The following PRKN variants were observed in gnomAD, a reference collection of about 807,000 sequenced individuals.
PRKN encodes the protein parkin RBR E3 ubiquitin protein ligase.
In PRKN, 56 loss-of-function variants were observed where a neutral mutation model predicts 59.5. The observed-to-expected ratio is 0.94, with a 90% CI of 0.76 to 1.18. The LOEUF (loss-of-function observed/expected upper bound fraction) is 1.18. Ranked by LOEUF, PRKN falls within the 50% of genes most tolerant of loss-of-function variation. The pLI is 0.00. For missense variants in PRKN, 657 were observed against 596.4 expected (o/e 1.10, Z -1.06); for synonymous variants, 250 against 222.1 (o/e 1.13, Z -1.12).
At chr6:162,300,460 C>T (rs970841595) in intron 2 of PRKN, among the ~76,000 whole-genome samples, 8 of 152,026 alleles carry the variant, frequency 5.3e-5, no homozygotes, top group African/African-American at 1.9e-4. Flanking sequence ...TTTTAGGTCT[C>T]CTTAATGGAG....
chr6:161,712,261 T>C (rs1329617237), intron 7 of PRKN, among the ~76,000 whole-genome samples: 1 of 152,206 alleles, frequency 6.6e-6, no homozygotes, highest in Non-Finnish European at 1.5e-5. Context: ...TACTGACACT[T>C]AAAATGGCTT....
intron 7 of PRKN, among the ~76,000 whole-genome samples, chr6:161,726,909 C>A (rs922111066): frequency 6.6e-6 from 1 of 152,082 alleles, no homozygotes; most frequent in Non-Finnish European, 1.5e-5. Context: ...TTGGCTCTTC[C>A]AAAATAGTGA....
At chr6:162,557,151 C>T (rs1471390458) in intron 1 of PRKN, among the ~76,000 whole-genome samples, 1 of 152,186 alleles carries the variant, frequency 6.6e-6, no homozygotes, top group African/African-American at 2.4e-5. Context: ...GTGAACATCT[C>T]CAATAAGGCT....
chr6:161,641,796 G>A (rs1233615552), intron 7 of PRKN, among the ~76,000 whole-genome samples: 1 of 152,198 alleles, frequency 6.6e-6, no homozygotes, highest in Non-Finnish European at 1.5e-5. Flanking sequence ...GTGCCCTGTG[G>A]CGCTTAAAGC....
At chr6:162,154,897 G>C (rs573048564) in intron 4 of PRKN, among the ~76,000 whole-genome samples, 1 of 150,598 alleles carries the variant, frequency 6.6e-6, no homozygotes, top group South Asian at 2.1e-4. Context: ...CAGTATAAAA[G>C]GAAATAGCTT....
chr6:162,160,982 T>G (rs55820779), intron 4 of PRKN, among the ~76,000 whole-genome samples: 41,002 of 151,498 alleles, frequency 0.27, 6,203 homozygotes, highest in Middle Eastern at 0.36. Context: ...AAGAGGCACC[T>G]TATGCAGAAA....
rs1490532911 is a variant in PRKN at position 161,551,841 on chromosome 6, G to T, written c.934-2838C>A. ...AGGCAGGACTGAGACGAGAAGCGCA[G>T]ATGGACAGTTTAAGCCAGAGAAAGA... On this transcript the variant is annotated intron_variant, in intron 8 of 11. Transcript: ENST00000366898. The surrounding 1 kb of genome is among the most constrained non-coding windows in gnomAD (Gnocchi z 5.2). 6.6e-6 allele frequency among the ~76,000 whole-genome samples: 1 copy of T among 152,182 alleles called. No homozygotes were observed. The highest frequency in any genetic ancestry group is 2.1e-4 in the South Asian group (1 of 4,826).
intron 2 of PRKN, among the ~76,000 whole-genome samples, chr6:162,280,907 C>G (rs1421083515): frequency 1.3e-5 from 2 of 150,944 alleles, no homozygotes; most frequent in African/African-American, 2.4e-5. Context: ...TCAATGAATG[C>G]AGGAGCTGTT....
intron 2 of PRKN, among the ~76,000 whole-genome samples, chr6:162,330,891 A>G (rs761108775): frequency 3.4e-4 from 52 of 152,298 alleles, no homozygotes; most frequent in Non-Finnish European, 4.1e-4. Context: ...CAGCCCACCT[A>G]AAGCCACTGA....
chr6:162,050,765 C>G (rs139302972), intron 5 of PRKN, among the ~76,000 whole-genome samples: 4 of 152,068 alleles, frequency 2.6e-5, no homozygotes, highest in African/African-American at 9.7e-5. Context: ...GTGGTCCATG[C>G]GGAGCACTGA....
intron 9 of PRKN, among the ~76,000 whole-genome samples, chr6:161,490,855 T>C (rs140350737): frequency 6.6e-6 from 1 of 152,204 alleles, no homozygotes; most frequent in East Asian, 1.9e-4. Flanking sequence ...ATGAGTGAGT[T>C]ATCGTGAGAT....
At chr6:161,944,443 T>A (rs974115248) in intron 6 of PRKN, among the ~76,000 whole-genome samples, 1 of 151,596 alleles carries the variant, frequency 6.6e-6, no homozygotes, top group Non-Finnish European at 1.5e-5. Context: ...TGTTGCCCCA[T>A]CACCATTTTT....
At chr6:162,181,425 C>CT (rs1783799467) in intron 4 of PRKN, among the ~76,000 whole-genome samples, 2 of 152,214 alleles carry the variant, frequency 1.3e-5, no homozygotes, top group Admixed American at 1.3e-4. Context: ...TCTGGAACCA[C>CT]TTACAGCTTC....
At chr6:161,873,546 T>A (rs1794432234) in intron 6 of PRKN, among the ~76,000 whole-genome samples, 2 of 150,690 alleles carry the variant, frequency 1.3e-5, no homozygotes, top group Non-Finnish European at 3.0e-5. Context: ...CAGACACGAG[T>A]CACACTGACA....
At chr6:162,172,830 G>T (rs1333340200) in intron 4 of PRKN, among the ~76,000 whole-genome samples, 1 of 152,246 alleles carries the variant, frequency 6.6e-6, no homozygotes, top group Non-Finnish European at 1.5e-5. Context: ...TGGGTGCCTC[G>T]GTGGTATCTC....
rs1445791190 is a variant in PRKN at position 161,946,437 on chromosome 6, CTCTCTCT to C, written c.734+26858_734+26864del. Among the ~76,000 whole-genome samples the C allele has an allele frequency of 9.0e-4, 135 of 150,710 alleles. 1 individual carries two copies. Among genetic ancestry groups the C allele is most frequent in the Admixed American group, 2.9e-3 (44 of 15,110 alleles). On this transcript the variant is annotated intron_variant, in intron 6 of 11. Transcript: ENST00000366898. ...ACACTCTCTCTCTCTCTCTCTCTCT[CTCTCTCT>C]CTCTCTCAATACAAAAGAGACAGCG...
At chr6:161,779,112 G>T (rs533481615) in intron 7 of PRKN, among the ~76,000 whole-genome samples, 2 of 151,884 alleles carry the variant, frequency 1.3e-5, no homozygotes. Context: ...GCTAATTTTT[G>T]TATTTTCACT....
At chr6:161,608,540 T>A (rs74434095) in intron 7 of PRKN, among the ~76,000 whole-genome samples, 1 of 148,266 alleles carries the variant, frequency 6.7e-6, no homozygotes, top group Non-Finnish European at 1.5e-5. Context: ...TATATTTAAT[T>A]TTTTTTTTTT....
intron 6 of PRKN, among the ~76,000 whole-genome samples, chr6:161,909,441 TA>T (rs562804523): frequency 8.6e-5 from 13 of 151,330 alleles, no homozygotes; most frequent in African/African-American, 7.3e-5. Flanking sequence ...TTCTTTTGAT[TA>T]AAAAAAAAGA....
Sources: allele counts gnomAD v4.1 joint callset (sites outside exome capture counted in the v4.1 genomes callset), GRCh38; gene constraint gnomAD v4.1.1; non-coding constraint Gnocchi (gnomAD v3.1); transcripts MANE v1.5; gene names NCBI Gene and HGNC (gene_info 2026-07-23, HGNC 2026-07-21).